DPYD: variants seen among roughly 807,000 people sequenced by gnomAD.
The protein encoded by DPYD is dihydropyrimidine dehydrogenase [NADP(+)].
Under a neutral mutation model 116.2 loss-of-function variants are expected in DPYD, and 109 were observed. The observed-to-expected ratio is 0.94, with a 90% CI of 0.80 to 1.10. The LOEUF (loss-of-function observed/expected upper bound fraction) is 1.10, where lower values mean the gene tolerates loss of function less well. DPYD is among the 50% of genes least tolerant of loss of function. DPYD has a pLI of 0.00. For synonymous variants in DPYD, 440 were observed against 432.0 expected (o/e 1.02, Z -0.23); for missense variants, 1,302 against 1,254.5 (o/e 1.04, Z -0.57).
chr1:97,282,890 A>C (rs943504482), intron 18 of DPYD, among the ~76,000 whole-genome samples: 3 of 152,144 alleles, frequency 2.0e-5, no homozygotes, highest in African/African-American at 7.2e-5. Flanking sequence ...TGCAAAGGCC[A>C]TGATTTCACT....
At chr1:97,438,297 A>AT (rs756215300) in intron 14 of DPYD, among the ~76,000 whole-genome samples, 4 of 152,070 alleles carry the variant, frequency 2.6e-5, no homozygotes, top group Non-Finnish European at 1.5e-5. Context: ...TTATCCATAG[A>AT]TAAAAATGGG....
intron 3 of DPYD, among the ~76,000 whole-genome samples, chr1:97,816,381 A>C (rs1321779743): frequency 6.6e-6 from 1 of 152,174 alleles, no homozygotes; most frequent in Non-Finnish European, 1.5e-5. Flanking sequence ...GCATTGACTA[A>C]ATTTTTAATA....
intron 14 of DPYD, among the ~76,000 whole-genome samples, chr1:97,443,577 C>G (rs1179398281): frequency 6.6e-6 from 1 of 152,218 alleles, no homozygotes; most frequent in Admixed American, 6.5e-5. Flanking sequence ...GAAGTCCCTT[C>G]AGTACAGAGA....
At chr1:97,433,785 A>C (rs1360557873) in intron 14 of DPYD, among the ~76,000 whole-genome samples, 1 of 152,180 alleles carries the variant, frequency 6.6e-6, no homozygotes, top group Non-Finnish European at 1.5e-5. Flanking sequence ...GCAGTTGAAT[A>C]GTATGTATGA....
chr1:97,546,617 A>G (rs999212607), intron 12 of DPYD: 8 of 1,612,508 alleles, frequency 5.0e-6, no homozygotes, highest in Non-Finnish European at 6.8e-6. Flanking sequence ...TTTCCTGAGG[A>G]AAAACAAGAA....
intron 20 of DPYD, among the ~76,000 whole-genome samples, chr1:97,136,994 A>T (rs1321543606): frequency 6.6e-6 from 1 of 152,220 alleles, no homozygotes; most frequent in Admixed American, 6.5e-5. Flanking sequence ...TTATTCCATC[A>T]CTGTGATATT....
intron 4 of DPYD, among the ~76,000 whole-genome samples, chr1:97,733,530 A>T (rs1368865185): frequency 6.6e-6 from 1 of 152,026 alleles, no homozygotes; most frequent in Non-Finnish European, 1.5e-5. Flanking sequence ...TTAGACCAAT[A>T]AATATAAAAT....
At chr1:97,566,038 C>T (rs1652495776) in intron 11 of DPYD, among the ~76,000 whole-genome samples, 2 of 152,066 alleles carry the variant, frequency 1.3e-5, no homozygotes, top group Admixed American at 1.3e-4. Context: ...ATTGCATAAT[C>T]TCCCTGTGGC....
chr1:97,304,254 G>T (rs1156995992), intron 18 of DPYD, among the ~76,000 whole-genome samples: 1 of 151,890 alleles, frequency 6.6e-6, no homozygotes, highest in Non-Finnish European at 1.5e-5. Flanking sequence ...TGCTAACGCG[G>T]TCCACGTTAT....
intron 10 of DPYD, among the ~76,000 whole-genome samples, chr1:97,582,670 C>T (rs900999425): frequency 1.3e-5 from 2 of 152,104 alleles, no homozygotes; most frequent in Non-Finnish European, 1.5e-5. Context: ...ATTGACATTC[C>T]TTCTTTTAGT....
intron 5 of DPYD, among the ~76,000 whole-genome samples, chr1:97,706,242 G>T (rs1310362009): frequency 6.6e-6 from 1 of 151,842 alleles, no homozygotes; most frequent in African/African-American, 2.4e-5. Context: ...TACAAACCAA[G>T]AATTGTTCAT....
At position 97,383,481 on chromosome 1, in the gene DPYD, A is replaced by AAAAAAAAAG. The variant is rs1553167428; in HGVS notation, c.1906-1021_1906-1020insCTTTTTTTT. 1.3e-3 allele frequency among the ~76,000 whole-genome samples: 196 copies of AAAAAAAAAG among 149,038 alleles called. 1 individual carries two copies. The highest frequency in any genetic ancestry group is 4.7e-3 in the African/African-American group (190 of 40,178). ...ACAGAGCGAGACTCTGTCTCAAAAA[A>AAAAAAAAAG]AAAAAAAGAAAAAAAGAAAAAAAGA... is the stretch of plus-strand genomic sequence containing the variant. On this transcript the variant is annotated intron_variant, in intron 14 of 22. Coordinates refer to ENST00000370192, the MANE Select transcript of DPYD (RefSeq NM_000110.4).
rs1338394868 is a variant in DPYD at position 97,772,654 on chromosome 1, T to A, written c.234-32175A>T. ...TGATAACTAGGGAGAACAGGAAAAT[T>A]GAGCCAAAGCATATTCAGTATAGAA... On this transcript the variant is annotated intron_variant, in intron 3 of 22. Transcript: ENST00000370192. 7.9e-5 allele frequency among the ~76,000 whole-genome samples: 12 copies of A among 152,244 alleles called. No homozygotes were observed. The East Asian group carries it at 1.9e-3, about 25-fold the overall frequency.
chr1:97,546,790 A>G, intron 12 of DPYD: 1 of 1,613,036 alleles, frequency 6.2e-7, no homozygotes, highest in Admixed American at 1.7e-5. Flanking sequence ...AGACTCCTAT[A>G]TGGGTTTGGA....
At chr1:97,878,816 T>G (rs1231745254) in intron 2 of DPYD, among the ~76,000 whole-genome samples, 3 of 152,008 alleles carry the variant, frequency 2.0e-5, no homozygotes, top group Admixed American at 1.3e-4. Flanking sequence ...TTATTGGTAT[T>G]TCAGTCTTCT....
chr1:97,796,907 T>C (rs910780771), intron 3 of DPYD: 1 of 152,066 alleles, frequency 6.6e-6, no homozygotes, highest in Non-Finnish European at 1.5e-5. Flanking sequence ...GAAGGAATGT[T>C]TGGCAGTAAA....
At chr1:97,196,565 T>C (rs1011158426) in intron 19 of DPYD, among the ~76,000 whole-genome samples, 18 of 152,210 alleles carry the variant, frequency 1.2e-4, no homozygotes, top group Non-Finnish European at 1.9e-4. Context: ...AACAATGCAA[T>C]ATCTAACATG....
intron 14 of DPYD, among the ~76,000 whole-genome samples, chr1:97,417,317 A>C (rs1333693730): frequency 2.0e-5 from 3 of 152,116 alleles, no homozygotes; most frequent in Admixed American, 6.5e-5. Context: ...CTCTGTCTCT[A>C]TTGCTATCTC....
chr1:97,204,303 T>G (rs891341878), intron 19 of DPYD, among the ~76,000 whole-genome samples: 1 of 152,172 alleles, frequency 6.6e-6, no homozygotes, highest in African/African-American at 2.4e-5. Flanking sequence ...ATAAATTGTA[T>G]GCTAGTTTTT....
Sources: gnomAD v4.1 joint callset for allele counts (sites outside exome capture counted in the v4.1 genomes callset) on GRCh38, gnomAD v4.1.1 for gene constraint, MANE v1.5 for transcripts, NCBI Gene and HGNC (gene_info 2026-07-23, HGNC 2026-07-21) for gene names.